Variants in AP1S3 observed in about 807,000 individuals in gnomAD.
AP1S3 encodes the protein adaptor related protein complex 1 subunit sigma 3.
Under a neutral mutation model 20.9 loss-of-function variants are expected in AP1S3, and 10 were observed. The ratio of observed to expected loss-of-function variants is 0.48; its 90% CI spans 0.29 to 0.81. The LOEUF (loss-of-function observed/expected upper bound fraction) is 0.81, where lower values mean the gene tolerates loss of function less well. Ranked by LOEUF, AP1S3 falls within the 30% of genes least tolerant of loss-of-function variation. The pLI is 0.08. For missense variants in AP1S3, 154 were observed against 183.8 expected (o/e 0.84, Z 0.94); for synonymous variants, 41 against 61.5 (o/e 0.67, Z 1.56).
chr2:223,776,194 G>T, intron 2 of AP1S3, 185 bp from the exon 3 acceptor site: 1 of 691,208 alleles, frequency 1.4e-6, no homozygotes, highest in South Asian at 1.5e-5. Context: ...AAATTCTGTG[G>T]GGGTTGGATT....
At chr2:223,811,583 A>G (rs958906403) in intron 1 of AP1S3, among the ~76,000 whole-genome samples, 10 of 149,412 alleles carry the variant, frequency 6.7e-5, no homozygotes, top group Non-Finnish European at 1.3e-4. Flanking sequence ...AAAAAAAAAG[A>G]AAAAAAGAAA....
chr2:223,813,710 T>C (rs1405369706), intron 1 of AP1S3, among the ~76,000 whole-genome samples: 1 of 152,080 alleles, frequency 6.6e-6, no homozygotes, highest in Admixed American at 6.6e-5. Flanking sequence ...TGAACACCAG[T>C]GTATGGGATA....
At chr2:223,817,110 G>A (rs1390646820) in intron 1 of AP1S3, among the ~76,000 whole-genome samples, 1 of 152,028 alleles carries the variant, frequency 6.6e-6, no homozygotes, top group Non-Finnish European at 1.5e-5. Flanking sequence ...CGACAACAAA[G>A]CGAGACAACT....
intron 3 of AP1S3, among the ~76,000 whole-genome samples, chr2:223,766,028 G>A (rs903229362): frequency 2.0e-5 from 3 of 152,160 alleles, no homozygotes; most frequent in Admixed American, 6.5e-5. Context: ...GTTTATTTAA[G>A]TGTAGCAAGT....
intron 1 of AP1S3, 97 bp downstream of exon 1, chr2:223,837,351 C>T: frequency 3.2e-6 from 2 of 631,420 alleles, no homozygotes; most frequent in African/African-American, 3.8e-5. Flanking sequence ...GCCCGCACCC[C>T]CACCCGGCCG....
At chr2:223,785,652 T>A (rs537448542) in intron 1 of AP1S3, among the ~76,000 whole-genome samples, 1 of 152,154 alleles carries the variant, frequency 6.6e-6, no homozygotes, top group East Asian at 1.9e-4. Context: ...TTTCAACAAA[T>A]AAAACTTTAG....
intron 3 of AP1S3, among the ~76,000 whole-genome samples, chr2:223,770,034 G>A (rs1013541821): frequency 6.6e-6 from 1 of 152,048 alleles, no homozygotes; most frequent in African/African-American, 2.4e-5. Context: ...GTGAGCCATC[G>A]CGCCCGGCCG....
At chr2:223,770,201 G>A in intron 3 of AP1S3, 1 of 1,550,802 alleles carries the variant, frequency 6.4e-7, no homozygotes, top group Non-Finnish European at 8.7e-7. Context: ...AGTTACCAGA[G>A]GTCAGAAAAG....
intron 1 of AP1S3, among the ~76,000 whole-genome samples, chr2:223,783,584 A>C (rs900519304): frequency 3.3e-5 from 5 of 152,240 alleles, no homozygotes; most frequent in Admixed American, 2.6e-4. Context: ...CAGCAGCACC[A>C]GTCTGCTGAG....
chr2:223,830,963 C>A (rs1692243924), intron 1 of AP1S3, among the ~76,000 whole-genome samples: 1 of 152,188 alleles, frequency 6.6e-6, no homozygotes, highest in Non-Finnish European at 1.5e-5. Flanking sequence ...TTTTCAGTAT[C>A]CCCTTTTCAT....
At chr2:223,776,143 C>T (rs1210741094) in intron 2 of AP1S3, 134 bp from the exon 3 acceptor site, 5 of 723,378 alleles carry the variant, frequency 6.9e-6, no homozygotes, top group South Asian at 4.5e-5. Context: ...CATTATTCAT[C>T]ACCCCCAATA....
intron 1 of AP1S3, among the ~76,000 whole-genome samples, chr2:223,836,461 C>T (rs1217230586): frequency 6.6e-6 from 1 of 152,210 alleles, no homozygotes; most frequent in East Asian, 1.9e-4. Context: ...CACACCATGC[C>T]GGGTGCAGTG....
intron 1 of AP1S3, among the ~76,000 whole-genome samples, chr2:223,817,101 G>A (rs539220519): frequency 6.6e-6 from 1 of 152,132 alleles, no homozygotes; most frequent in African/African-American, 2.4e-5. Context: ...CTCCAGCCTC[G>A]ACAACAAAGC....
intron 3 of AP1S3, among the ~76,000 whole-genome samples, chr2:223,772,626 C>T (rs567175710): frequency 2.6e-5 from 4 of 151,974 alleles, no homozygotes; most frequent in South Asian, 2.1e-4. Flanking sequence ...AGTTAATCCT[C>T]GTAAATCTCC....
chr2:223,758,112 T>C lies in AP1S3; in HGVS notation c.*603A>G, dbSNP rs1690266470. ...CATCAAAAACACTTATTAAGTTCTA[T>C]ACTCTTTGGTTATTTTCATAATCCC... On this transcript the variant is annotated 3_prime_UTR_variant, in exon 5 of 5. Transcript: ENST00000396654. 17 of 982,870 alleles carry C rather than the reference T, an allele frequency of 1.7e-5. No individual in the cohort carries two copies. Among genetic ancestry groups the C allele is most frequent in the Non-Finnish European group, 2.1e-5 (17 of 828,400 alleles). The allele number at this position is 982,870 out of a possible 1,614,324, so 60.9% of individuals were successfully genotyped here. A position where few individuals can be genotyped will look rare whatever the true frequency, so the allele number is the denominator to read the frequency against.
chr2:223,759,508 A>G (rs893725739), intron 4 of AP1S3, among the ~76,000 whole-genome samples: 4 of 152,240 alleles, frequency 2.6e-5, no homozygotes, highest in African/African-American at 9.6e-5. Flanking sequence ...AAAGATAAAC[A>G]GACCAAAATT....
Position 223,757,151 on chromosome 2 carries a change from G to A in AP1S3, c.*1564C>T, listed in dbSNP as rs1471824903. ...ATTACAGGCACCTGCCACCATGCCC[G>A]GCTAATTTTTTTGTTTGTTTGAGAC... is the stretch of plus-strand genomic sequence containing the variant. On this transcript the variant is annotated 3_prime_UTR_variant, in exon 5 of 5. Transcript: ENST00000396654. 5 of 299,914 alleles carry A rather than the reference G, an allele frequency of 1.7e-5. No individual in the cohort carries two copies. The highest frequency in any genetic ancestry group is 2.3e-5 in the African/African-American group (1 of 43,664). 18.6% of individuals were successfully genotyped at this position (299,914 alleles called of 1,614,324 possible). A position where few individuals can be genotyped will look rare whatever the true frequency, so the allele number is the denominator to read the frequency against.
intron 1 of AP1S3, among the ~76,000 whole-genome samples, chr2:223,822,888 A>G (rs1303315249): frequency 6.6e-6 from 1 of 152,202 alleles, no homozygotes; most frequent in East Asian, 1.9e-4. Context: ...ACAACTCAAT[A>G]GCAAAAAAAC....
intron 1 of AP1S3, among the ~76,000 whole-genome samples, chr2:223,832,607 C>T (rs564996202): frequency 8.5e-5 from 13 of 152,064 alleles, no homozygotes; most frequent in African/African-American, 3.1e-4. Context: ...TGTAATAGAC[C>T]GCTTCACCCT....
Sources: allele counts gnomAD v4.1 joint callset (sites outside exome capture counted in the v4.1 genomes callset), GRCh38; gene constraint gnomAD v4.1.1; transcripts MANE v1.5; gene names NCBI Gene and HGNC (gene_info 2026-07-23, HGNC 2026-07-21).